Variants in PLCZ1 observed in about 807,000 individuals in gnomAD.
PLCZ1 encodes 1-phosphatidylinositol 4,5-bisphosphate phosphodiesterase zeta-1.
A neutral mutation model predicts 76.8 loss-of-function variants in PLCZ1; 64 were observed. The observed-to-expected ratio is 0.83, with a 90% CI of 0.68 to 1.03. The LOEUF (loss-of-function observed/expected upper bound fraction) is 1.03, where lower values mean the gene tolerates loss of function less well. Among genes scored for constraint, PLCZ1 ranks in the 50% least tolerant of loss-of-function variants. The pLI is 0.00. For missense variants in PLCZ1, 751 were observed against 713.7 expected (o/e 1.05, Z -0.60); for synonymous variants, 248 against 230.8 (o/e 1.07, Z -0.68).
chr12:18,705,318 A>G lies in PLCZ1; in HGVS notation c.715-3T>C. On this transcript the variant is annotated splice_polypyrimidine_tract_variant and splice_region_variant and intron_variant, in intron 6 of 14. Transcript: ENST00000266505. ...AGCACCACTGGGTAGTCAGATGTCT[A>G]AAAAAGTAACCATTACTATGGTTAT... 5.6e-6 allele frequency: 9 copies of G among 1,614,030 alleles called. No homozygotes were observed. The highest frequency in any genetic ancestry group is 6.8e-6 in the Non-Finnish European group (8 of 1,179,930).
At chr12:18,720,342 A>G (rs1958364602) in intron 4 of PLCZ1, among the ~76,000 whole-genome samples, 1 of 151,796 alleles carries the variant, frequency 6.6e-6, no homozygotes, top group Admixed American at 6.6e-5. Flanking sequence ...AATGTCTTTT[A>G]GTGCAAATAT....
Position 18,692,616 on chromosome 12 carries a change from G to A in PLCZ1, c.1461+2294C>T, listed in dbSNP as rs999721736. 8.8e-6 allele frequency: 5 copies of A among 568,620 alleles called. No homozygotes were observed. The Admixed American group carries it at 9.6e-5, about 11-fold the overall frequency. The allele number at this position is 568,620 out of a possible 1,614,324, so 35.2% of individuals were successfully genotyped here. A position where few individuals can be genotyped will look rare whatever the true frequency, so the allele number is the denominator to read the frequency against. ...CAGAAATAAAAAGGAAGCAATATGA[G>A]GTCAACCGCAATGGGGCAGGAGGAC... is the stretch of plus-strand genomic sequence containing the variant. On this transcript the variant is annotated intron_variant, in intron 12 of 14. Transcript: ENST00000266505.
At chr12:18,662,228 G>A in the PLCZ1 span, among the ~76,000 whole-genome samples, 1 of 152,020 alleles carries the variant, frequency 6.6e-6, no homozygotes, top group African/African-American at 2.4e-5. Context: ...TCATCACCTG[G>A]CTGATGAAAT....
intron 13 of PLCZ1, 34 bp from the exon 14 acceptor site, chr12:18,684,313 T>C (rs1395636393): frequency 6.4e-7 from 1 of 1,561,634 alleles, no homozygotes; most frequent in Non-Finnish European, 8.8e-7. Context: ...CAAAGAATAA[T>C]AGATACCATA....
At position 18,737,394 on chromosome 12, in the gene PLCZ1, T is replaced by C. The variant is rs966556125; in HGVS notation, c.-23A>G. The C allele has an allele frequency of 3.1e-6, 5 of 1,613,722 alleles. No individual in the cohort carries two copies. In the African/African-American group the frequency reaches 4.0e-5, roughly 13 times the overall value. ...CATAGTTTCATGACCTGTAGAGCCG[T>C]TTCTCCTCACTTAGAAGTCTTTCCC... On this transcript the variant is annotated 5_prime_UTR_variant, in exon 2 of 15. Transcript: ENST00000266505.
the PLCZ1 span, among the ~76,000 whole-genome samples, chr12:18,675,902 C>T: frequency 2.0e-5 from 3 of 151,930 alleles, no homozygotes. Context: ...TGAGATTTTA[C>T]TTTTTGGGTA....
At chr12:18,653,270 T>C in the PLCZ1 span, among the ~76,000 whole-genome samples, 6 of 152,106 alleles carry the variant, frequency 3.9e-5, no homozygotes, top group Non-Finnish European at 8.8e-5. Context: ...ATATTACCCA[T>C]GCCAAAAGTG....
At chr12:18,731,264 AAG>A (rs766391046) in intron 3 of PLCZ1, 16 of 151,928 alleles carry the variant, frequency 1.1e-4, no homozygotes, top group Admixed American at 3.3e-4. Flanking sequence ...AGCTTTCGTA[AAG>A]ATACTGTCTC....
Position 18,688,106 on chromosome 12 carries a change from C to T in PLCZ1, c.1574G>A (p.Arg525His), listed in dbSNP as rs754691461. ...GAGCTCACCATTTTTTTTAATTACA[C>T]GAGTCTGCTGCTTCATTTGATCATT... is the stretch of plus-strand genomic sequence containing the variant. ...VPNDQMKQQTRVIKKNAFSPR... is the reference protein window; with the variant it reads ...VPNDQMKQQTHVIKKNAFSPR... The change falls in exon 13 of 15, where the codon CGT becomes CAT. Residue 525 changes from arginine (R) to histidine (H), a missense_variant. Physicochemically the swap from Arg to His is conservative, Grantham distance 29 (BLOSUM62 0). Coordinates refer to ENST00000266505, the MANE Select transcript of PLCZ1 (RefSeq NM_033123.4). The T allele has an allele frequency of 2.6e-5, 42 of 1,610,948 alleles. No homozygotes were observed. The highest frequency in any genetic ancestry group is 6.7e-5 in the East Asian group (3 of 44,658).
Position 18,705,671 on chromosome 12 carries a change from GCTTGT to G in PLCZ1, c.715-361_715-357del, listed in dbSNP as rs1956507379. 2.0e-5 allele frequency among the ~76,000 whole-genome samples: 3 copies of G among 151,476 alleles called. No homozygotes were observed. The East Asian group carries it at 5.9e-4, about 30-fold the overall frequency. On this transcript the variant is annotated intron_variant, in intron 6 of 14. Transcript: ENST00000266505. ...ACCTGAGGTCAGGAGTTCGAGGCCAGCTTGTCCAGCATAGTGAAACCCCATCTCTA... is the reference window on the plus strand; with the variant it reads ...ACCTGAGGTCAGGAGTTCGAGGCCAGCCAGCATAGTGAAACCCCATCTCTA...
At chr12:18,733,460 C>T (rs1171482507) in intron 3 of PLCZ1, among the ~76,000 whole-genome samples, 1 of 152,022 alleles carries the variant, frequency 6.6e-6, no homozygotes, top group Admixed American at 6.6e-5. Context: ...TTCATGTAAT[C>T]CCACTTTTCT....
intron 12 of PLCZ1, among the ~76,000 whole-genome samples, chr12:18,694,648 T>C (rs528668173): frequency 5.3e-5 from 8 of 152,190 alleles, no homozygotes; most frequent in African/African-American, 1.9e-4. Context: ...TACAATGAAA[T>C]CATATAGTAG....
the PLCZ1 span, among the ~76,000 whole-genome samples, chr12:18,651,143 C>T: frequency 6.6e-6 from 1 of 152,034 alleles, no homozygotes; most frequent in South Asian, 2.1e-4. Context: ...ATTCAATCAA[C>T]ACTGGCCTCC....
intron 7 of PLCZ1, among the ~76,000 whole-genome samples, chr12:18,704,454 T>A (rs1270616492): frequency 6.6e-6 from 1 of 152,154 alleles, no homozygotes; most frequent in Non-Finnish European, 1.5e-5. Flanking sequence ...GTCTCCCTAG[T>A]AGCTGGGATT....
At position 18,683,211 on chromosome 12, in the gene PLCZ1, C is replaced by A; in HGVS notation, c.*28G>T. ...TTGGCTGTTTTATTGCGATGCATAG[C>A]TAATGATATGTCATTTATCATTAGC... On this transcript the variant is annotated 3_prime_UTR_variant, in exon 15 of 15. Transcript: ENST00000266505. 1 of 1,593,590 alleles carries A rather than the reference C, an allele frequency of 6.3e-7. No individual in the cohort carries two copies. The highest frequency in any genetic ancestry group is 8.6e-7 in the Non-Finnish European group (1 of 1,162,054).
intron 7 of PLCZ1, among the ~76,000 whole-genome samples, chr12:18,703,478 C>G (rs1956203388): frequency 6.6e-6 from 1 of 152,164 alleles, no homozygotes; most frequent in Admixed American, 6.5e-5. Flanking sequence ...TGGTGCATGA[C>G]CATTGCTTTC....
intron 10 of PLCZ1, among the ~76,000 whole-genome samples, 178 bp downstream of exon 10, chr12:18,699,616 G>A (rs1361896839): frequency 1.3e-5 from 2 of 152,070 alleles, no homozygotes; most frequent in Non-Finnish European, 2.9e-5. Flanking sequence ...TAATGGCTAA[G>A]TTCCATGAAA....
chr12:18,652,410 G>A, the PLCZ1 span, among the ~76,000 whole-genome samples: 7 of 152,094 alleles, frequency 4.6e-5, no homozygotes, highest in Non-Finnish European at 1.0e-4. Flanking sequence ...AAACCACTGC[G>A]AACTGCAAAA....
At chr12:18,650,861 G>A in the PLCZ1 span, among the ~76,000 whole-genome samples, 483 of 150,038 alleles carry the variant, frequency 3.2e-3, 5 homozygotes, top group African/African-American at 0.011. Flanking sequence ...AAATACTCTG[G>A]TCCAACTTAC....
Sources: gnomAD v4.1 joint callset for allele counts (sites outside exome capture counted in the v4.1 genomes callset) on GRCh38, gnomAD v4.1.1 for gene constraint, MANE v1.5 for transcripts, NCBI Gene and HGNC (gene_info 2026-07-23, HGNC 2026-07-21) for gene names.